GRIP1: variants seen among roughly 807,000 people sequenced by gnomAD.
GRIP1 encodes glutamate receptor-interacting protein 1.
GRIP1 carries 45 observed loss-of-function variants against 129.9 expected under a neutral mutation model. That is an observed-to-expected ratio of 0.35 (90% CI 0.27 to 0.44). The LOEUF (loss-of-function observed/expected upper bound fraction) is 0.44, where lower values mean the gene tolerates loss of function less well. Ranked by LOEUF, GRIP1 falls within the 20% of genes least tolerant of loss-of-function variation. The pLI, the probability that GRIP1 is intolerant of heterozygous loss-of-function variation, is 1.00. For missense variants in GRIP1, 1,196 were observed against 1,396.8 expected (o/e 0.86, Z 2.29); for synonymous variants, 530 against 520.8 (o/e 1.02, Z -0.24).
chr12:66,976,511 A>G (rs2042154002), intron 1 of GRIP1, among the ~76,000 whole-genome samples: 1 of 152,158 alleles, frequency 6.6e-6, no homozygotes, highest in Admixed American at 6.6e-5. Context: ...TTCACCTCCA[A>G]ATGCCTTGTT....
intron 1 of GRIP1, among the ~76,000 whole-genome samples, chr12:66,695,096 C>G (rs1427009963): frequency 6.6e-6 from 1 of 152,206 alleles, no homozygotes; most frequent in East Asian, 1.9e-4. Flanking sequence ...TAAAGACCAT[C>G]AGGCTGCCAG....
chr12:66,438,869 A>G (rs114420945), intron 13 of GRIP1, among the ~76,000 whole-genome samples: 1 of 152,150 alleles, frequency 6.6e-6, no homozygotes, highest in Non-Finnish European at 1.5e-5. Flanking sequence ...GTGTACATTC[A>G]TAAACAAAAC....
chr12:67,047,618 TATTGA>T (rs2043274433), intron 1 of GRIP1, among the ~76,000 whole-genome samples: 1 of 152,226 alleles, frequency 6.6e-6, no homozygotes, highest in Non-Finnish European at 1.5e-5. Context: ...AATTAATATT[TATTGA>T]ATAACTAATA....
intron 1 of GRIP1, among the ~76,000 whole-genome samples, chr12:66,783,107 T>G (rs924463058): frequency 1.3e-5 from 2 of 152,118 alleles, no homozygotes; most frequent in Non-Finnish European, 2.9e-5. Flanking sequence ...TTTGGCCCAC[T>G]GCAACCTCTG....
chr12:66,579,459 G>A (rs942114871), intron 2 of GRIP1, among the ~76,000 whole-genome samples: 66 of 151,662 alleles, frequency 4.4e-4, no homozygotes, highest in Non-Finnish European at 8.6e-4. Flanking sequence ...ATCAAACTAC[G>A]AGCTACAGGA....
intron 1 of GRIP1, among the ~76,000 whole-genome samples, chr12:66,821,489 A>T (rs2039317863): frequency 6.6e-6 from 1 of 152,172 alleles, no homozygotes; most frequent in South Asian, 2.1e-4. Context: ...GTAAGAAATA[A>T]AGAATACTTC....
At chr12:66,469,360 A>G (rs1250698252) in intron 7 of GRIP1, among the ~76,000 whole-genome samples, 2 of 152,216 alleles carry the variant, frequency 1.3e-5, no homozygotes, top group Non-Finnish European at 2.9e-5. Flanking sequence ...AGTAGCTAGA[A>G]TCTAAATCCC....
At chr12:66,518,981 C>T (rs2060924437) in intron 5 of GRIP1, among the ~76,000 whole-genome samples, 1 of 152,138 alleles carries the variant, frequency 6.6e-6, no homozygotes, top group Non-Finnish European at 1.5e-5. Flanking sequence ...TTGCACATCA[C>T]CATCCTGACT....
At chr12:66,645,718 G>A (rs2032307543) in intron 1 of GRIP1, among the ~76,000 whole-genome samples, 1 of 152,006 alleles carries the variant, frequency 6.6e-6, no homozygotes. Context: ...TATTTTCCAA[G>A]AAAAAAATCT....
At chr12:66,451,657 G>C (rs189337961) in intron 11 of GRIP1, among the ~76,000 whole-genome samples, 2 of 151,694 alleles carry the variant, frequency 1.3e-5, no homozygotes, top group Non-Finnish European at 2.9e-5. Context: ...TGATCCACCC[G>C]CCTCAGCCTC....
intron 1 of GRIP1, among the ~76,000 whole-genome samples, chr12:66,854,813 G>A (rs1369014685): frequency 6.6e-6 from 1 of 151,968 alleles, no homozygotes. Flanking sequence ...AGTCAGTGTT[G>A]ATATAAGAGG....
intron 23 of GRIP1, among the ~76,000 whole-genome samples, chr12:66,363,830 G>A (rs1313089679): frequency 6.6e-6 from 1 of 152,164 alleles, no homozygotes; most frequent in Admixed American, 6.5e-5. Context: ...CTAGAGGCTG[G>A]GGTAAAGAGG....
chr12:66,484,069 C>T (rs867212717), intron 7 of GRIP1, among the ~76,000 whole-genome samples: 3 of 151,884 alleles, frequency 2.0e-5, no homozygotes, highest in African/African-American at 7.3e-5. Flanking sequence ...CCGTTTTAGC[C>T]GGGATGGTCT....
At chr12:66,922,309 G>C (rs548182981) in intron 1 of GRIP1, among the ~76,000 whole-genome samples, 2 of 152,334 alleles carry the variant, frequency 1.3e-5, no homozygotes, top group East Asian at 3.9e-4. Context: ...AGGAGGTAGA[G>C]AGGAAGCATC....
intron 1 of GRIP1, among the ~76,000 whole-genome samples, chr12:66,605,643 G>A (rs1264259056): frequency 6.6e-6 from 1 of 152,064 alleles, no homozygotes; most frequent in East Asian, 1.9e-4. Flanking sequence ...TCTGACAATC[G>A]GTGACAGGAT....
intron 1 of GRIP1, among the ~76,000 whole-genome samples, chr12:66,798,355 T>G (rs1340811521): frequency 6.6e-6 from 1 of 152,180 alleles, no homozygotes. Flanking sequence ...GAAATCTTAT[T>G]GCACATTAAA....
chr12:66,796,213 G>A (rs17827216), intron 1 of GRIP1, among the ~76,000 whole-genome samples: 24,080 of 151,834 alleles, frequency 0.16, 2,274 homozygotes, highest in East Asian at 0.44. Context: ...GGCCACAGTC[G>A]TCTTTTACCT....
rs141891175 is a variant in GRIP1, at chr12:66,703,600, T to A, written c.-419-73264A>T. Among the ~76,000 whole-genome samples the A allele has an allele frequency of 9.9e-5, 15 of 152,106 alleles. No homozygotes were observed. In the East Asian group the frequency reaches 2.9e-3, roughly 30 times the overall value. On this transcript the variant is annotated intron_variant, in intron 1 of 4. Transcript: ENST00000538373. ...AGAGGATCAACAGGGCAACTGACAC[T>A]GATGGGTGTCAGGAGAGGAAGAAAG...
chr12:66,745,579 T>A (rs1381176046), intron 1 of GRIP1, among the ~76,000 whole-genome samples: 1 of 152,062 alleles, frequency 6.6e-6, no homozygotes, highest in African/African-American at 2.4e-5. Context: ...ATAAATGCTG[T>A]AGGAGAATTA....
Sources: allele counts gnomAD v4.1 joint callset (sites outside exome capture counted in the v4.1 genomes callset), GRCh38; gene constraint gnomAD v4.1.1; transcripts MANE v1.5; gene names NCBI Gene and HGNC (gene_info 2026-07-23, HGNC 2026-07-21).